The following INPP5A variants were observed in gnomAD, a reference collection of about 807,000 sequenced individuals.
INPP5A encodes the protein inositol polyphosphate-5-phosphatase A, also known as 43 kDa inositol polyphosphate 5-phophatase.
Under a neutral mutation model 65.2 loss-of-function variants are expected in INPP5A, and 14 were observed. That is an observed-to-expected ratio of 0.21 (90% CI 0.14 to 0.34). The LOEUF is 0.34. Among genes scored for constraint, INPP5A ranks in the 10% least tolerant of loss-of-function variants. INPP5A has a pLI of 1.00. For missense variants in INPP5A, 431 were observed against 545.6 expected, an observed-to-expected ratio of 0.79 and a Z score of 2.09; for synonymous variants, 207 against 208.3, an observed-to-expected ratio of 0.99 and a Z score of 0.05.
chr10:132,601,935 T>A (rs2071782115), intron 1 of INPP5A, among the ~76,000 whole-genome samples: 1 of 152,254 alleles, frequency 6.6e-6, no homozygotes. Flanking sequence ...TTTTTAAGGC[T>A]ATTTTTGGCT....
chr10:132,627,348 C>T lies in INPP5A; in HGVS notation c.118-18520C>T, dbSNP rs117854867. ...GGAGGCTTCACGGGGAGACCGGGGC[C>T]GGGAGCTGCTGCTGGCTCCACACCT... On this transcript the variant is annotated intron_variant, in intron 2 of 15. Transcript: ENST00000368594. The surrounding 1 kb of genome is among the most constrained non-coding windows in gnomAD (Gnocchi z 6.6). Among the ~76,000 whole-genome samples, 2,304 of 152,166 alleles carry T rather than the reference C, an allele frequency of 0.015. 32 individuals are homozygous for T. Among genetic ancestry groups the T allele is most frequent in the South Asian group, 0.039 (189 of 4,812 alleles).
chr10:132,781,005 G>A (rs1481344304), intron 14 of INPP5A, 88 bp downstream of exon 14: 1 of 828,150 alleles, frequency 1.2e-6, no homozygotes, highest in East Asian at 2.8e-5. Flanking sequence ...GTGGGCGGGT[G>A]CTGGGGCTGG....
At chr10:132,780,037 C>T (rs767596304) in intron 13 of INPP5A, among the ~76,000 whole-genome samples, 4 of 152,270 alleles carry the variant, frequency 2.6e-5, no homozygotes, top group Admixed American at 6.5e-5. Context: ...CCGCTTCACC[C>T]GCGAGAGGCG....
rs2071028544 is a variant in INPP5A at position 132,549,884 on chromosome 10, T to C, written c.75+11713T>C. On this transcript the variant is annotated intron_variant, in intron 1 of 15. Coordinates refer to ENST00000368594, the MANE Select transcript of INPP5A (RefSeq NM_005539.5). This position sits in a 1 kb window ranked among gnomAD's most constrained non-coding sequence, Gnocchi z 4.9. Reference sequence around the variant, plus strand: ...CAGCCTCAAATTATTAACCAGGCATTAGGGGATGGGGTCAGCCTCGAGTTA... The same window carrying C: ...CAGCCTCAAATTATTAACCAGGCATCAGGGGATGGGGTCAGCCTCGAGTTA... Among the ~76,000 whole-genome samples the C allele has an allele frequency of 6.6e-6, 1 of 151,802 alleles. No individual in the cohort carries two copies. The highest frequency in any genetic ancestry group is 1.5e-5 in the Non-Finnish European group (1 of 67,940).
rs1590974367 is a variant in INPP5A, at chr10:132,742,106, T to C, written c.733-7411T>C. 1.3e-5 allele frequency among the ~76,000 whole-genome samples: 2 copies of C among 152,298 alleles called. 1 individual carries two copies. Among genetic ancestry groups the C allele is most frequent in the Non-Finnish European group, 2.9e-5 (2 of 68,004 alleles). On this transcript the variant is annotated intron_variant, in intron 9 of 15. Coordinates refer to ENST00000368594, the MANE Select transcript of INPP5A (RefSeq NM_005539.5). ...GTTGCTCTGTGAACTTACTACCAGA[T>C]AGAGCTCATGCGCCATGAGCCACGC...
intron 2 of INPP5A, among the ~76,000 whole-genome samples, chr10:132,620,686 A>G (rs543713095): frequency 6.6e-6 from 1 of 152,350 alleles, no homozygotes; most frequent in Non-Finnish European, 1.5e-5. Context: ...AGAAGAAATA[A>G]TGAACTCAAT....
intron 9 of INPP5A, among the ~76,000 whole-genome samples, chr10:132,742,029 G>A (rs1846281916): frequency 6.6e-6 from 1 of 152,226 alleles, no homozygotes; most frequent in Non-Finnish European, 1.5e-5. Flanking sequence ...TCCTGGAGAG[G>A]AGCCTGCTCC....
intron 12 of INPP5A, among the ~76,000 whole-genome samples, chr10:132,773,615 G>C (rs140645313): frequency 6.6e-6 from 1 of 152,230 alleles, no homozygotes; most frequent in Non-Finnish European, 1.5e-5. Flanking sequence ...GAGGCCGCCC[G>C]TCCGCCTGGT....
intron 3 of INPP5A, among the ~76,000 whole-genome samples, chr10:132,646,577 T>A (rs1421636690): frequency 6.6e-6 from 1 of 152,206 alleles, no homozygotes; most frequent in Non-Finnish European, 1.5e-5. Context: ...TAGTGGCTGC[T>A]GTATTTTCCC....
At chr10:132,754,626 CTG>C (rs1053922982) in intron 11 of INPP5A, among the ~76,000 whole-genome samples, 16 of 152,266 alleles carry the variant, frequency 1.1e-4, no homozygotes, top group African/African-American at 3.6e-4. Context: ...ACTGCCAAAA[CTG>C]GGGGCCTTCT....
At position 132,771,712 on chromosome 10, in the gene INPP5A, A is replaced by G. The variant is rs370881784; in HGVS notation, c.977+5866A>G. 4.1e-3 allele frequency among the ~76,000 whole-genome samples: 144 copies of G among 35,376 alleles called. 1 individual carries two copies. Among genetic ancestry groups the G allele is most frequent in the East Asian group, 8.8e-3 (6 of 682 alleles). 23.2% of individuals were successfully genotyped at this position (35,376 alleles called of 152,430 possible). On this transcript the variant is annotated intron_variant, in intron 12 of 15. Coordinates refer to ENST00000368594, the MANE Select transcript of INPP5A (RefSeq NM_005539.5). ...ACACAGAGGCCACGGCAGCCACCCCATGAAGAGTGGGACAGACACTCAGCA... is the reference window on the plus strand; with the variant it reads ...ACACAGAGGCCACGGCAGCCACCCCGTGAAGAGTGGGACAGACACTCAGCA...
intron 13 of INPP5A, among the ~76,000 whole-genome samples, 163 bp from the exon 14 acceptor site, chr10:132,780,684 CAG>C (rs1424920096): frequency 6.6e-6 from 1 of 152,278 alleles, no homozygotes; most frequent in African/African-American, 2.4e-5. Context: ...GCCTCTCTCT[CAG>C]GGGCCAGGCA....
chr10:132,562,985 C>G (rs1045888691), intron 1 of INPP5A, among the ~76,000 whole-genome samples: 5 of 152,196 alleles, frequency 3.3e-5, no homozygotes, highest in African/African-American at 1.2e-4. Flanking sequence ...CAGAGGGCTT[C>G]AGGGAGGGTT....
At chr10:132,747,045 G>A (rs1207152767) in intron 9 of INPP5A, among the ~76,000 whole-genome samples, 1 of 152,242 alleles carries the variant, frequency 6.6e-6, no homozygotes, top group Non-Finnish European at 1.5e-5. Flanking sequence ...CTGAGATAAA[G>A]CAGTTTTTAA....
At chr10:132,593,189 A>G (rs1303149252) in intron 1 of INPP5A, among the ~76,000 whole-genome samples, 1 of 152,146 alleles carries the variant, frequency 6.6e-6, no homozygotes, top group African/African-American at 2.4e-5. Flanking sequence ...ATGGAGCTTC[A>G]TTATGTCTGC....
intron 12 of INPP5A, among the ~76,000 whole-genome samples, chr10:132,771,299 T>C (rs1017157633): frequency 6.6e-6 from 1 of 152,188 alleles, no homozygotes; most frequent in African/African-American, 2.4e-5. Context: ...GAATCATTTC[T>C]CCTGCTTCCC....
chr10:132,675,413 CAG>C lies in INPP5A; in HGVS notation c.307-14974_307-14973del, dbSNP rs1230227580. On this transcript the variant is annotated intron_variant, in intron 4 of 15. Coordinates refer to ENST00000368594, the MANE Select transcript of INPP5A (RefSeq NM_005539.5). This position sits in a 1 kb window ranked among gnomAD's most constrained non-coding sequence, Gnocchi z 4.2. ...GAGAGAAAATGATCTCATATGAAGT[CAG>C]AGAGGAGAAAGGAATGAGACTCAAG... Among the ~76,000 whole-genome samples, 12 of 152,168 alleles carry C rather than the reference CAG, an allele frequency of 7.9e-5. No homozygotes were observed. The highest frequency in any genetic ancestry group is 2.9e-4 in the African/African-American group (12 of 41,430).
chr10:132,782,080 C>G lies in INPP5A; in HGVS notation c.*51C>G. 1 of 1,548,580 alleles carries G rather than the reference C, an allele frequency of 6.5e-7. No homozygotes were observed. Among genetic ancestry groups the G allele is most frequent in the South Asian group, 1.2e-5 (1 of 85,174 alleles). On this transcript the variant is annotated 3_prime_UTR_variant, in exon 16 of 16. Coordinates refer to ENST00000368594, the MANE Select transcript of INPP5A (RefSeq NM_005539.5). The surrounding 1 kb of genome is among the most constrained non-coding windows in gnomAD (Gnocchi z 4.4). Reference sequence around the variant, plus strand: ...ACGAGAGGACACTTCGTGAGCCTCCCTGTAGCCGTGGACCGAATACGCACT... The same window carrying G: ...ACGAGAGGACACTTCGTGAGCCTCCGTGTAGCCGTGGACCGAATACGCACT...
chr10:132,718,673 G>T (rs376063218), intron 8 of INPP5A, among the ~76,000 whole-genome samples: 13 of 146,728 alleles, frequency 8.9e-5, no homozygotes, highest in African/African-American at 3.3e-4. Flanking sequence ...TCAGGGTTCT[G>T]TGGTGCCTGG....
Sources: allele counts gnomAD v4.1 joint callset (sites outside exome capture counted in the v4.1 genomes callset), GRCh38; gene constraint gnomAD v4.1.1; non-coding constraint Gnocchi (gnomAD v3.1); transcripts MANE v1.5; gene names NCBI Gene and HGNC (gene_info 2026-07-23, HGNC 2026-07-21).